Variants in TFF2 observed in about 807,000 individuals in gnomAD.
The protein encoded by TFF2 is spasmolysin.
TFF2 carries 19 observed loss-of-function variants against 16.0 expected under a neutral mutation model. The ratio of observed to expected loss-of-function variants is 1.19; its 90% CI spans 0.83 to 1.74. The LOEUF is 1.74. Among genes scored for constraint, TFF2 ranks in the 40% most tolerant of loss-of-function variants. The pLI, the probability that TFF2 is intolerant of heterozygous loss-of-function variation, is 0.00. For missense variants in TFF2, 168 were observed against 166.8 expected, an observed-to-expected ratio of 1.01 and a Z score of -0.04; for synonymous variants, 61 against 65.4, an observed-to-expected ratio of 0.93 and a Z score of 0.32.
rs2052080570 is a variant in TFF2 at position 42,347,694 on chromosome 21, A to G, written c.230-62T>C. The G allele has an allele frequency of 8.2e-6, 13 of 1,583,844 alleles. 1 individual carries two copies. In the South Asian group the frequency reaches 1.5e-4, roughly 18 times the overall value. On this transcript the variant is annotated intron_variant, in intron 2 of 3. Transcript: ENST00000291526. ...GGCCTGCTGTGCCCTGGAAAGCTCC[A>G]CCCCTTCCTCCTCTGAGAGCAGCGC...
At chr21:42,348,445 A>AT (rs1265194895) in intron 2 of TFF2, among the ~76,000 whole-genome samples, 25 of 152,208 alleles carry the variant, frequency 1.6e-4, no homozygotes, top group Admixed American at 6.5e-4. Context: ...ATATATATAT[A>AT]TATTTTTTTC....
rs149752811 is a variant in TFF2, at chr21:42,350,912, C to T, written c.46G>A (p.Gly16Arg). The part of the protein sequence containing the change: ...AQLLAALLVL[G>R]LCALAGSEKP... The stretch of plus-strand genomic sequence containing the variant: ...TCACTCCCCGCCAGGGCACATAGCC[C>T]CAGGACGAGGAGCGCTGCCAGGAGC... Residue 16 changes from glycine (G) to arginine (R), a missense_variant, in exon 1 of 4, where the codon GGG becomes AGG. Gly to Arg is a moderately radical substitution (Grantham distance 125, BLOSUM62 -2). Coordinates refer to ENST00000291526, the MANE Select transcript of TFF2 (RefSeq NM_005423.5). The T allele has an allele frequency of 6.2e-6, 10 of 1,613,820 alleles. No homozygotes were observed. The highest frequency in any genetic ancestry group is 8.5e-6 in the Non-Finnish European group (10 of 1,179,928).
intron 2 of TFF2, among the ~76,000 whole-genome samples, chr21:42,349,501 ACTAACCAACCTGGGCTAGCTCCAGG>A (rs1412332682): frequency 3.3e-5 from 5 of 151,516 alleles, no homozygotes; most frequent in East Asian, 3.9e-4. Context: ...CTAGCCCTAG[ACTAACCAACCTGGGCTAGCTCCAGG>A]CTAACCAACC....
At chr21:42,347,756 G>C (rs906088343) in intron 2 of TFF2, 124 bp from the exon 3 acceptor site, 8 of 1,263,262 alleles carry the variant, frequency 6.3e-6, no homozygotes, top group Non-Finnish European at 7.5e-6. Context: ...GGTGCTGCCT[G>C]GGGCAGCATC....
rs75038202 is a variant in TFF2, at chr21:42,346,603, G to A, written c.377-57C>T. ...GGAACCCCAGAAATGGGAGTGCCTA[G>A]GCTGCGAAGCTGGGGTGGGCGTGCA... On this transcript the variant is annotated intron_variant, in intron 3 of 3. Transcript: ENST00000291526. The A allele has an allele frequency of 1.6e-3, 2,439 of 1,559,230 alleles. 36 individuals carry two copies. In the African/African-American group the frequency reaches 0.031, roughly 20 times the overall value.
Position 42,350,958 on chromosome 21 carries a change from G to A in TFF2, c.-1C>T, listed in dbSNP as rs375573253. 16 of 1,613,822 alleles carry A rather than the reference G, an allele frequency of 9.9e-6. No homozygotes were observed. Among genetic ancestry groups the A allele is most frequent in the African/African-American group, 8.0e-5 (6 of 75,068 alleles). ...GGAGCTGGGCGTCTCGCCGTCCCAT[G>A]TCTAGCTCAGCTGCACCCCAGGGTG... On this transcript the variant is annotated 5_prime_UTR_variant, in exon 1 of 4. Transcript: ENST00000291526.
rs2052068753 is a variant in TFF2 at position 42,346,487 on chromosome 21, T to C, written c.*46A>G. On this transcript the variant is annotated 3_prime_UTR_variant, in exon 4 of 4. Transcript: ENST00000291526. ...ATAAGGCGAAGTTTCTTCTTTGGTTTCGGAACACCCGGTGAGCCAGATGCA... is the reference window on the plus strand; with the variant it reads ...ATAAGGCGAAGTTTCTTCTTTGGTTCCGGAACACCCGGTGAGCCAGATGCA... 1 of 1,612,534 alleles carries C rather than the reference T, an allele frequency of 6.2e-7. No homozygotes were observed. Among genetic ancestry groups the C allele is most frequent in the Non-Finnish European group, 8.5e-7 (1 of 1,179,292 alleles).
At chr21:42,347,193 G>A (rs1458293112) in intron 3 of TFF2, among the ~76,000 whole-genome samples, 2 of 152,236 alleles carry the variant, frequency 1.3e-5, no homozygotes, top group East Asian at 3.9e-4. Context: ...CAATAAAACA[G>A]GCAACGCCTC....
intron 3 of TFF2, among the ~76,000 whole-genome samples, chr21:42,347,209 G>T (rs1014475548): frequency 2.6e-5 from 4 of 152,242 alleles, no homozygotes; most frequent in Non-Finnish European, 5.9e-5. Context: ...GCCTCTGAAC[G>T]TTGCAACACC....
chr21:42,346,608 C>T lies in TFF2; in HGVS notation c.377-62G>A, dbSNP rs562930699. On this transcript the variant is annotated intron_variant, in intron 3 of 3. Transcript: ENST00000291526. ...CCCAGAAATGGGAGTGCCTAGGCTG[C>T]GAAGCTGGGGTGGGCGTGCATCACT... 28 of 1,545,518 alleles carry T rather than the reference C, an allele frequency of 1.8e-5. No individual in the cohort carries two copies. The Admixed American group carries it at 2.7e-4, about 15-fold the overall frequency.
chr21:42,348,433 C>T lies in TFF2; in HGVS notation c.230-801G>A, dbSNP rs142104725. Reference sequence around the variant, plus strand: ...CACTTCAAAAACTAGAGGAGACCTACTATATATATATATATTTTTTTCTCA... The same window carrying T: ...CACTTCAAAAACTAGAGGAGACCTATTATATATATATATATTTTTTTCTCA... On this transcript the variant is annotated intron_variant, in intron 2 of 3. Coordinates refer to ENST00000291526, the MANE Select transcript of TFF2 (RefSeq NM_005423.5). Among the ~76,000 whole-genome samples the T allele has an allele frequency of 7.7e-3, 1,156 of 150,880 alleles. 12 individuals carry two copies. The highest frequency in any genetic ancestry group is 0.025 in the African/African-American group (1,037 of 40,816).
chr21:42,349,971 T>C lies in TFF2; in HGVS notation c.139A>G (p.Ile47Val), dbSNP rs963246742. Reference sequence around the variant, plus strand: ...TTGTCAAAACACTGGTCACTGGTGATTCCAGGGAAGCCGCAGTTCGTCCTG... The same window carrying C: ...TTGTCAAAACACTGGTCACTGGTGACTCCAGGGAAGCCGCAGTTCGTCCTG... The part of the protein sequence containing the change: ...HNRTNCGFPG[I>V]TSDQCFDNGC... Residue 47 changes from isoleucine to valine, a missense_variant, in exon 2 of 4, where the codon ATC (isoleucine) becomes GTC (valine). Coordinates refer to ENST00000291526, the MANE Select transcript of TFF2 (RefSeq NM_005423.5). 6.3e-7 allele frequency: 1 copy of C among 1,599,294 alleles called. No homozygotes were observed. Among genetic ancestry groups the C allele is most frequent in the Non-Finnish European group, 8.5e-7 (1 of 1,172,712 alleles).
intron 2 of TFF2, among the ~76,000 whole-genome samples, chr21:42,349,163 C>T (rs777880723): frequency 6.6e-6 from 1 of 151,336 alleles, no homozygotes; most frequent in African/African-American, 2.4e-5. Flanking sequence ...TACGCTAGCC[C>T]TAGACTAACC....
intron 2 of TFF2, 102 bp from the exon 3 acceptor site, chr21:42,347,734 C>A (rs2052080868): frequency 1.4e-6 from 2 of 1,442,982 alleles, no homozygotes; most frequent in Non-Finnish European, 1.9e-6. Flanking sequence ...TTGCAGCCTC[C>A]GTGGATCATG....
chr21:42,350,418 A>G (rs1397201684), intron 1 of TFF2: 1 of 183,746 alleles, frequency 5.4e-6, no homozygotes, highest in East Asian at 1.5e-4. Flanking sequence ...CTGTGGTTTC[A>G]GCTACTCAGG....
chr21:42,349,327 A>C (rs2146394003), intron 2 of TFF2, among the ~76,000 whole-genome samples: 1 of 151,480 alleles, frequency 6.6e-6, no homozygotes, highest in East Asian at 1.9e-4. Context: ...CTCCAAACTA[A>C]CTAACCTGGG....
chr21:42,349,780 C>T, intron 2 of TFF2, 101 bp downstream of exon 2: 2 of 1,255,626 alleles, frequency 1.6e-6, no homozygotes, highest in Non-Finnish European at 2.2e-6. Flanking sequence ...TAACCCTAGA[C>T]TAGCAACTGG....
rs1179096449 is a variant in TFF2, at chr21:42,347,804, G to A, written c.230-172C>T. Among the ~76,000 whole-genome samples, 5 of 151,886 alleles carry A rather than the reference G, an allele frequency of 3.3e-5. No individual in the cohort carries two copies. In the South Asian group the frequency reaches 6.2e-4, roughly 19 times the overall value. On this transcript the variant is annotated intron_variant, in intron 2 of 3. Transcript: ENST00000291526. ...CTCCCCCGGGGACTGTGGAAGTGTCGGCCCCTGGGACCGCCTCCCCCGGGG... is the reference window on the plus strand; with the variant it reads ...CTCCCCCGGGGACTGTGGAAGTGTCAGCCCCTGGGACCGCCTCCCCCGGGG...
chr21:42,350,892 C>G lies in TFF2; in HGVS notation c.66G>C (p.Gly22=). ...TCCTTCACTTACAGGGTTTCTCACT[C>G]CCCGCCAGGGCACATAGCCCCAGGA... The part of the protein sequence containing the change: ...LLVLGLCALA[G]SEKPSPCQCS... Residue 22 remains glycine, a synonymous_variant, in exon 1 of 4, where the codon GGG becomes GGC. Transcript: ENST00000291526. 3.1e-6 allele frequency: 5 copies of G among 1,613,494 alleles called. No homozygotes were observed. The highest frequency in any genetic ancestry group is 4.2e-6 in the Non-Finnish European group (5 of 1,179,818).
Sources: allele counts gnomAD v4.1 joint callset (sites outside exome capture counted in the v4.1 genomes callset), GRCh38; gene constraint gnomAD v4.1.1; transcripts MANE v1.5; gene names NCBI Gene and HGNC (gene_info 2026-07-23, HGNC 2026-07-21).